The following STRADA variants were observed in gnomAD, a reference collection of about 807,000 sequenced individuals.
STRADA encodes the protein STE20-related kinase adapter protein alpha.
STRADA carries 26 observed loss-of-function variants against 55.0 expected under a neutral mutation model. The observed-to-expected ratio is 0.47, with a 90% confidence interval of 0.35 to 0.66. STRADA has a LOEUF of 0.66. Among genes scored for constraint, STRADA ranks in the 30% least tolerant of loss-of-function variants. The pLI is 0.01. For synonymous variants in STRADA, 197 were observed against 210.9 expected (o/e 0.93, Z 0.57); for missense variants, 443 against 549.7 (o/e 0.81, Z 1.94).
intron 1 of STRADA, 121 bp from the exon 2 acceptor site, chr17:63,728,534 G>T (rs1324113253): frequency 5.6e-6 from 3 of 530,986 alleles, no homozygotes; most frequent in Non-Finnish European, 9.8e-6. Flanking sequence ...CCTATAAATT[G>T]CTAGATTTGT....
rs1447750115 is a variant in STRADA, at chr17:63,710,561, C to A, written c.511G>T (p.Ala171Ser). The change falls in exon 8 of 13, where the codon GCG (alanine) becomes TCG (serine). Residue 171 changes from alanine (A) to serine (S), a missense_variant. Coordinates refer to ENST00000336174, the MANE Select transcript of STRADA (RefSeq NM_001003787.4). ...THFMDGMNELAIAYILQGVLK... is the reference protein window; with the variant it reads ...THFMDGMNELSIAYILQGVLK... ...ACCCCCTGCAGGATGTAAGCAATCG[C>A]CAGCTCATTCATGCCATCCATGAAG... 6.2e-7 allele frequency: 1 copy of A among 1,614,002 alleles called. No homozygotes were observed.
intron 8 of STRADA, among the ~76,000 whole-genome samples, chr17:63,709,300 CAT>C (rs1245257513): frequency 5.9e-5 from 9 of 152,348 alleles, no homozygotes; most frequent in Admixed American, 3.9e-4. Flanking sequence ...CTGCCAGTCT[CAT>C]GTGTATAAGG....
Position 63,704,423 on chromosome 17 carries a change from G to A in STRADA, c.1018C>T (p.Pro340Ser). The A allele has an allele frequency of 3.7e-6, 6 of 1,612,718 alleles. No homozygotes were observed. The South Asian group carries it at 4.4e-5, about 12-fold the overall frequency. The change falls in exon 11 of 13, where the codon CCC (proline) becomes TCC (serine). Residue 340 changes from proline to serine, a missense_variant. Coordinates refer to ENST00000336174, the MANE Select transcript of STRADA (RefSeq NM_001003787.4). The stretch of plus-strand genomic sequence containing the variant: ...AAGGTTCGGTGGTAGGGGTGGGAGG[G>A]CGAGTCACCGTTGGAGGGCCGGGGG... ...STPRPSNGDS[P>S]SHPYHRTFSP...
rs1164057292 is a variant in STRADA, at chr17:63,740,129, C to CAT, written c.-45+1611_-45+1612insAT. Among the ~76,000 whole-genome samples the CAT allele has an allele frequency of 2.4e-4, 12 of 50,382 alleles. 1 individual carries two copies. In the South Asian group the frequency reaches 4.1e-3, roughly 17 times the overall value. The allele number at this position is 50,382 out of a possible 152,430, so 33.1% of individuals were successfully genotyped here. The stretch of plus-strand genomic sequence containing the variant: ...ATATACATACATACATATATATATA[C>CAT]ACATACATATATATATATACACACA... On this transcript the variant is annotated intron_variant, in intron 1 of 12. Transcript: ENST00000336174.
chr17:63,733,120 C>T (rs2038185980), intron 1 of STRADA, among the ~76,000 whole-genome samples: 1 of 152,168 alleles, frequency 6.6e-6, no homozygotes, highest in Non-Finnish European at 1.5e-5. Context: ...AAACTCCTGA[C>T]CTCAGGTGAT....
rs565551933 is a variant in STRADA at position 63,734,773 on chromosome 17, T to C, written c.-44-6360A>G. On this transcript the variant is annotated intron_variant, in intron 1 of 12. Transcript: ENST00000336174. ...ATTTCAGTCCTATGTAAGAAAATGG[T>C]AAAGACACACAAAGAACTTGGAAAT... is the stretch of plus-strand genomic sequence containing the variant. Among the ~76,000 whole-genome samples, 44 of 152,284 alleles carry C rather than the reference T, an allele frequency of 2.9e-4. 1 individual carries two copies. In the South Asian group the frequency reaches 3.9e-3, roughly 14 times the overall value.
chr17:63,704,209 G>A lies in STRADA; in HGVS notation c.1100+132C>T, dbSNP rs1254467188. On this transcript the variant is annotated intron_variant, in intron 11 of 12. Coordinates refer to ENST00000336174, the MANE Select transcript of STRADA (RefSeq NM_001003787.4). Reference sequence around the variant, plus strand: ...AGGCTGGCCTCTGACACACCCAGGAGCTGATCCCTCCTGTGTGTAGCTCCA... The same window carrying A: ...AGGCTGGCCTCTGACACACCCAGGAACTGATCCCTCCTGTGTGTAGCTCCA... 6 of 1,529,474 alleles carry A rather than the reference G, an allele frequency of 3.9e-6. No homozygotes were observed. The African/African-American group carries it at 5.5e-5, about 14-fold the overall frequency. The allele number at this position is 1,529,474 out of a possible 1,614,324, so 94.7% of individuals were successfully genotyped here.
intron 4 of STRADA, chr17:63,719,211 G>A (rs1300827822): frequency 1.3e-5 from 2 of 152,152 alleles, no homozygotes; most frequent in East Asian, 3.9e-4. Flanking sequence ...TGACACAGTC[G>A]TTAGATTCCT....
chr17:63,738,285 G>C (rs763858221), intron 1 of STRADA, among the ~76,000 whole-genome samples: 9 of 146,342 alleles, frequency 6.1e-5, no homozygotes, highest in Non-Finnish European at 1.2e-4. Context: ...AGGTTGTAGT[G>C]AGCCGAGAGT....
intron 4 of STRADA, chr17:63,715,562 C>T (rs1042597415): frequency 6.6e-6 from 1 of 152,230 alleles, no homozygotes; most frequent in Admixed American, 6.5e-5. Context: ...TCAATTGATC[C>T]TCCTGCCTCA....
chr17:63,730,613 G>A (rs138914431), intron 1 of STRADA, among the ~76,000 whole-genome samples: 2 of 152,054 alleles, frequency 1.3e-5, no homozygotes, highest in Non-Finnish European at 2.9e-5. Flanking sequence ...CTGGAGTGTG[G>A]TGGCGCGATC....
intron 1 of STRADA, among the ~76,000 whole-genome samples, chr17:63,729,841 CTTTT>C (rs1253752753): frequency 1.4e-5 from 2 of 142,958 alleles, no homozygotes; most frequent in African/African-American, 2.6e-5. Flanking sequence ...TTTCCTTTTC[CTTTT>C]TTTTTTTTTG....
rs180902199 is a variant in STRADA, at chr17:63,730,689, T to C, written c.-44-2276A>G. Among the ~76,000 whole-genome samples, 269 of 152,170 alleles carry C rather than the reference T, an allele frequency of 1.8e-3. 1 individual carries two copies. Among genetic ancestry groups the C allele is most frequent in the Non-Finnish European group, 2.9e-3 (199 of 68,010 alleles). On this transcript the variant is annotated intron_variant, in intron 1 of 12. Transcript: ENST00000336174. ...CTCTGGCTTCAGCCTCCCGAGTTAC[T>C]GGGACTATAGGTACGCGCACCACTA...
At chr17:63,736,311 A>G (rs1005722681) in intron 1 of STRADA, among the ~76,000 whole-genome samples, 2 of 152,092 alleles carry the variant, frequency 1.3e-5, no homozygotes, top group African/African-American at 4.8e-5. Context: ...TAAAATTTAA[A>G]AAGGAAGCTA....
At chr17:63,740,107 TAC>T (rs1555712215) in intron 1 of STRADA, among the ~76,000 whole-genome samples, 2,040 of 49,124 alleles carry the variant, frequency 0.042, 265 homozygotes, top group African/African-American at 0.088. Flanking sequence ...TATATATATA[TAC>T]ATACATACAT....
chr17:63,739,115 T>C lies in STRADA; in HGVS notation c.-45+2626A>G, dbSNP rs188691594. On this transcript the variant is annotated intron_variant, in intron 1 of 12. Transcript: ENST00000336174. ...AAGACCGTGCCACTGCACTCCAGCC[T>C]GGGCAACAGAGCGAGACTCCATCTC... 7.5e-5 allele frequency among the ~76,000 whole-genome samples: 9 copies of C among 119,370 alleles called. No individual in the cohort carries two copies. In the East Asian group the frequency reaches 2.2e-3, roughly 29 times the overall value. The allele number at this position is 119,370 out of a possible 152,430, so 78.3% of individuals were successfully genotyped here. A position where few individuals can be genotyped will look rare whatever the true frequency, so the allele number is the denominator to read the frequency against.
chr17:63,722,998 T>G (rs547075187), intron 4 of STRADA, among the ~76,000 whole-genome samples: 1 of 152,282 alleles, frequency 6.6e-6, no homozygotes, highest in South Asian at 2.1e-4. Flanking sequence ...TTCTGACTGT[T>G]GAAACTTACT....
intron 2 of STRADA, chr17:63,727,438 A>T (rs1177255884): frequency 1.3e-5 from 2 of 152,322 alleles, no homozygotes; most frequent in Middle Eastern, 3.4e-3. Context: ...AGTTCAGGCT[A>T]TGGAGAGATT....
intron 4 of STRADA, among the ~76,000 whole-genome samples, chr17:63,717,408 A>T (rs985803101): frequency 1.3e-5 from 2 of 152,156 alleles, no homozygotes; most frequent in Non-Finnish European, 2.9e-5. Context: ...TTTGGGTTTA[A>T]ACGATTCTCC....
Sources: allele counts gnomAD v4.1 joint callset (sites outside exome capture counted in the v4.1 genomes callset), GRCh38; gene constraint gnomAD v4.1.1; transcripts MANE v1.5; gene names NCBI Gene and HGNC (gene_info 2026-07-23, HGNC 2026-07-21).